RBM47: variants seen among roughly 807,000 people sequenced by gnomAD.
RBM47 encodes the protein RNA-binding protein 47.
In RBM47, 21 loss-of-function variants were observed where a neutral mutation model predicts 47.1. That is an observed-to-expected ratio of 0.45 (90% CI 0.32 to 0.64). The LOEUF is 0.64. RBM47 is among the 30% of genes least tolerant of loss of function. RBM47 has a pLI of 0.05. For missense variants in RBM47, 708 were observed against 870.9 expected, an observed-to-expected ratio of 0.81 and a Z score of 2.35; for synonymous variants, 375 against 361.7, an observed-to-expected ratio of 1.04 and a Z score of -0.42.
At chr4:40,605,710 A>G (rs979593872) in intron 1 of RBM47, among the ~76,000 whole-genome samples, 1 of 151,832 alleles carries the variant, frequency 6.6e-6, no homozygotes, top group African/African-American at 2.4e-5. Context: ...ACACACTTGT[A>G]ATCCCAGCTA....
At chr4:40,462,784 A>G (rs1717360192) in intron 3 of RBM47, among the ~76,000 whole-genome samples, 1 of 152,130 alleles carries the variant, frequency 6.6e-6, no homozygotes, top group African/African-American at 2.4e-5. Context: ...TTTACCTTAC[A>G]CTATATATAA....
chr4:40,459,214 G>A (rs1716733814), intron 3 of RBM47, among the ~76,000 whole-genome samples: 1 of 152,192 alleles, frequency 6.6e-6, no homozygotes, highest in African/African-American at 2.4e-5. Context: ...CAAAGGCAGT[G>A]ATGCTTATTT....
intron 2 of RBM47, among the ~76,000 whole-genome samples, chr4:40,471,224 T>C (rs1362827810): frequency 6.6e-6 from 1 of 152,134 alleles, no homozygotes; most frequent in Non-Finnish European, 1.5e-5. Flanking sequence ...TTGTTACCCG[T>C]ACACTGAAAG....
At chr4:40,611,944 G>A (rs7682489) in intron 1 of RBM47, among the ~76,000 whole-genome samples, 122,057 of 152,086 alleles carry the variant, frequency 0.8, 49,853 homozygotes, top group African/African-American at 0.95. Context: ...ATAATCAAGC[G>A]TTGAGTCTTG....
chr4:40,496,246 T>C (rs1722545699), intron 2 of RBM47, among the ~76,000 whole-genome samples: 1 of 151,894 alleles, frequency 6.6e-6, no homozygotes, highest in Non-Finnish European at 1.5e-5. Context: ...CACTCACAAA[T>C]CAAGGCAAGG....
At chr4:40,504,921 C>T (rs896317551) in intron 2 of RBM47, among the ~76,000 whole-genome samples, 10 of 152,340 alleles carry the variant, frequency 6.6e-5, no homozygotes, top group African/African-American at 2.2e-4. Context: ...GGACCAAGGA[C>T]TGCCAACCTC....
chr4:40,473,703 T>C (rs1719235922), intron 2 of RBM47, among the ~76,000 whole-genome samples: 1 of 152,228 alleles, frequency 6.6e-6, no homozygotes, highest in African/African-American at 2.4e-5. Flanking sequence ...CTTAAAAAAC[T>C]ATCACACTTT....
At chr4:40,448,956 G>A (rs1415870772) in intron 3 of RBM47, among the ~76,000 whole-genome samples, 1 of 152,198 alleles carries the variant, frequency 6.6e-6, no homozygotes, top group Non-Finnish European at 1.5e-5. Flanking sequence ...GAGAAAAACA[G>A]TTTCTGCAAA....
intron 1 of RBM47, among the ~76,000 whole-genome samples, chr4:40,545,855 G>A (rs894924207): frequency 6.6e-6 from 1 of 152,044 alleles, no homozygotes; most frequent in African/African-American, 2.4e-5. Context: ...CTGAACCTCT[G>A]AGTTTTTCTC....
chr4:40,520,832 G>A (rs1726125747), intron 2 of RBM47, among the ~76,000 whole-genome samples: 1 of 152,172 alleles, frequency 6.6e-6, no homozygotes, highest in South Asian at 2.1e-4. Flanking sequence ...GGAGAGGGGA[G>A]ATCAGTCTAC....
intron 2 of RBM47, among the ~76,000 whole-genome samples, chr4:40,484,583 C>T (rs1231280484): frequency 6.6e-6 from 1 of 152,198 alleles, no homozygotes; most frequent in Non-Finnish European, 1.5e-5. Context: ...CATAACATTG[C>T]AGGCTTTTGA....
At chr4:40,437,093 ATATATAT>A (rs1712644147) in intron 4 of RBM47, among the ~76,000 whole-genome samples, 1 of 29,524 alleles carries the variant, frequency 3.4e-5, no homozygotes, top group Non-Finnish European at 7.5e-5. Flanking sequence ...AAAAAAAAAT[ATATATAT>A]ATATATATAT....
chr4:40,602,124 T>TACCACTGC (rs1264112367), intron 1 of RBM47, among the ~76,000 whole-genome samples: 1 of 151,736 alleles, frequency 6.6e-6, no homozygotes, highest in Non-Finnish European at 1.5e-5. Flanking sequence ...GTGGAGATTG[T>TACCACTGC]ACCACTGCAC....
chr4:40,502,895 T>C (rs187790232), intron 2 of RBM47, among the ~76,000 whole-genome samples: 1 of 151,688 alleles, frequency 6.6e-6, no homozygotes, highest in East Asian at 1.9e-4. Flanking sequence ...ATCCCAGCAC[T>C]TTGGGAGGCC....
Position 40,455,237 on chromosome 4 carries a change from T to C in RBM47, c.-32+11340A>G, listed in dbSNP as rs116386852. On this transcript the variant is annotated intron_variant, in intron 3 of 6. Transcript: ENST00000295971. The stretch of plus-strand genomic sequence containing the variant: ...GGAATTAAATTCTTAAATGGAAATG[T>C]TGAAGGACTAGAATTCACGTAATCG... Among the ~76,000 whole-genome samples the C allele has an allele frequency of 4.9e-3, 751 of 152,354 alleles. 1 individual carries two copies. Among genetic ancestry groups the C allele is most frequent in the Non-Finnish European group, 8.1e-3 (550 of 68,034 alleles).
chr4:40,573,827 G>GAAAGAAAGAAAGAAAGAAAGAAAGAA (rs1560479095), intron 1 of RBM47, among the ~76,000 whole-genome samples: 5 of 151,352 alleles, frequency 3.3e-5, no homozygotes, highest in African/African-American at 1.2e-4. Flanking sequence ...AAGAAAGAAA[G>GAAAGAAAGAAAGAAAGAAAGAAAGAA]AAAGAAAGAG....
intron 1 of RBM47, among the ~76,000 whole-genome samples, chr4:40,550,685 C>T (rs879882097): frequency 6.6e-6 from 1 of 152,084 alleles, no homozygotes; most frequent in Admixed American, 6.6e-5. Flanking sequence ...TCCCAAAGTG[C>T]TGGGATTACA....
chr4:40,617,024 C>T (rs1179271924), intron 1 of RBM47, among the ~76,000 whole-genome samples: 19 of 151,662 alleles, frequency 1.3e-4, no homozygotes, highest in Admixed American at 1.2e-3. Context: ...TACAGGCGCC[C>T]GCCACTGCGG....
At chr4:40,474,550 A>G (rs1320235415) in intron 2 of RBM47, among the ~76,000 whole-genome samples, 1 of 152,266 alleles carries the variant, frequency 6.6e-6, no homozygotes, top group Non-Finnish European at 1.5e-5. Context: ...TTGGATATTT[A>G]ATACTTTGTG....
Sources: allele counts gnomAD v4.1 joint callset (sites outside exome capture counted in the v4.1 genomes callset), GRCh38; gene constraint gnomAD v4.1.1; transcripts MANE v1.5; gene names NCBI Gene and HGNC (gene_info 2026-07-23, HGNC 2026-07-21).